The following LDB2 variants were observed in gnomAD, a reference collection of about 807,000 sequenced individuals.
The protein encoded by LDB2 is LIM domain binding 2.
In LDB2, 12 loss-of-function variants were observed where a neutral mutation model predicts 44.3. The ratio of observed to expected loss-of-function variants is 0.27; its 90% CI spans 0.17 to 0.44. The LOEUF is 0.44. Ranked by LOEUF, LDB2 falls within the 20% of genes least tolerant of loss-of-function variation. The pLI is 1.00. For synonymous variants in LDB2, 164 were observed against 174.8 expected (o/e 0.94, Z 0.49); for missense variants, 344 against 473.5 (o/e 0.73, Z 2.54).
chr4:16,726,817 G>T (rs1190063934), intron 2 of LDB2, among the ~76,000 whole-genome samples: 4 of 152,152 alleles, frequency 2.6e-5, no homozygotes, highest in Non-Finnish European at 5.9e-5. Flanking sequence ...ATATTCAGCA[G>T]ATGACAAAAC....
At chr4:16,567,546 G>A (rs530634558) in intron 5 of LDB2, among the ~76,000 whole-genome samples, 2 of 152,208 alleles carry the variant, frequency 1.3e-5, no homozygotes, top group South Asian at 2.1e-4. Flanking sequence ...CGAGGCGGGC[G>A]GATCACAAGG....
chr4:16,898,545 A>G lies in LDB2; in HGVS notation c.-60T>C. 6.3e-7 allele frequency: 1 copy of G among 1,584,732 alleles called. No homozygotes were observed. Among genetic ancestry groups the G allele is most frequent in the Non-Finnish European group, 8.6e-7 (1 of 1,158,602 alleles). On this transcript the variant is annotated 5_prime_UTR_variant, in exon 1 of 8. It removes an upstream start codon present in the reference 5' UTR. Coordinates refer to ENST00000304523, the MANE Select transcript of LDB2 (RefSeq NM_001290.5). The stretch of plus-strand genomic sequence containing the variant: ...TATCAGTAACGTCCATGCAGAGCAC[A>G]TGGGCTGTGTTCTTCCCAGTACAAA...
At chr4:16,855,804 G>A (rs564562876) in intron 1 of LDB2, among the ~76,000 whole-genome samples, 18 of 152,096 alleles carry the variant, frequency 1.2e-4, no homozygotes, top group Non-Finnish European at 2.1e-4. Context: ...TGGAAGATAC[G>A]CAAAACTAAG....
At chr4:16,740,837 T>C (rs1272379643) in intron 2 of LDB2, among the ~76,000 whole-genome samples, 1 of 152,264 alleles carries the variant, frequency 6.6e-6, no homozygotes, top group East Asian at 1.9e-4. Context: ...ATCTCTTTAA[T>C]GCAATGCGTG....
At chr4:16,736,727 T>G (rs182475617) in intron 2 of LDB2, among the ~76,000 whole-genome samples, 4 of 152,332 alleles carry the variant, frequency 2.6e-5, no homozygotes, top group Admixed American at 2.6e-4. Context: ...TTTTTCAATT[T>G]ATTTAAAAAT....
chr4:16,799,020 T>A (rs1036070226), intron 1 of LDB2, among the ~76,000 whole-genome samples: 1 of 152,034 alleles, frequency 6.6e-6, no homozygotes, highest in African/African-American at 2.4e-5. Context: ...CCGGCTAATT[T>A]TTTTTTGTAT....
At chr4:16,502,952 G>A (rs1025167478) in intron 7 of LDB2, 79 bp from the exon 8 acceptor site, 24 of 1,603,182 alleles carry the variant, frequency 1.5e-5, no homozygotes, top group Non-Finnish European at 1.7e-5. Flanking sequence ...GGGAGGAGTC[G>A]GGGAATCTAG....
At chr4:16,660,463 T>C (rs765276537) in intron 2 of LDB2, among the ~76,000 whole-genome samples, 33 of 152,250 alleles carry the variant, frequency 2.2e-4, no homozygotes, top group Non-Finnish European at 4.1e-4. Context: ...AAGGTACATA[T>C]AGATAACCAC....
chr4:16,582,027 AAGGAAG>A lies in LDB2; in HGVS notation c.615+3889_615+3894del, dbSNP rs1418327076. On this transcript the variant is annotated intron_variant, in intron 5 of 7. Transcript: ENST00000304523. The surrounding 1 kb of genome is among the most constrained non-coding windows in gnomAD (Gnocchi z 4.8). The stretch of plus-strand genomic sequence containing the variant: ...GAAGGAAGGAAGGAAGGAAGGAAGG[AAGGAAG>A]GAAGGAAGGAAGGAAGGAAAAGAAA... Among the ~76,000 whole-genome samples the A allele has an allele frequency of 6.6e-6, 1 of 151,342 alleles. No individual in the cohort carries two copies. Among genetic ancestry groups the A allele is most frequent in the Non-Finnish European group, 1.5e-5 (1 of 67,760 alleles).
intron 2 of LDB2, among the ~76,000 whole-genome samples, chr4:16,737,271 C>T (rs552842289): frequency 1.2e-4 from 18 of 152,034 alleles, no homozygotes; most frequent in South Asian, 2.1e-4. Flanking sequence ...CTCTATCGCC[C>T]GGGCTGAAGT....
chr4:16,834,664 T>C (rs550350444), intron 1 of LDB2, among the ~76,000 whole-genome samples: 11 of 152,160 alleles, frequency 7.2e-5, no homozygotes, highest in Admixed American at 2.0e-4. Context: ...CTGTCTCTAC[T>C]AAAAAGACAA....
chr4:16,629,114 G>A (rs1578317744), intron 2 of LDB2, among the ~76,000 whole-genome samples: 1 of 152,318 alleles, frequency 6.6e-6, no homozygotes, highest in Middle Eastern at 3.4e-3. Flanking sequence ...TAAACAAAGT[G>A]GCAGGGAAGC....
chr4:16,849,461 C>T (rs1424329319), intron 1 of LDB2, among the ~76,000 whole-genome samples: 1 of 152,148 alleles, frequency 6.6e-6, no homozygotes, highest in Non-Finnish European at 1.5e-5. Flanking sequence ...TTAATTAATA[C>T]CGATAGAATG....
At chr4:16,680,405 C>T (rs1255816351) in intron 2 of LDB2, among the ~76,000 whole-genome samples, 1 of 152,176 alleles carries the variant, frequency 6.6e-6, no homozygotes, top group Non-Finnish European at 1.5e-5. Flanking sequence ...TCAAGACCAC[C>T]TCTGGCAAAG....
At chr4:16,840,165 T>C (rs1785603809) in intron 1 of LDB2, among the ~76,000 whole-genome samples, 1 of 152,146 alleles carries the variant, frequency 6.6e-6, no homozygotes, top group Non-Finnish European at 1.5e-5. Flanking sequence ...AGTAACTTGC[T>C]CAACTATCAA....
rs148013181 is a variant in LDB2 at position 16,776,582 on chromosome 4, C to T, written c.133-17322G>A. Among the ~76,000 whole-genome samples the T allele has an allele frequency of 4.0e-3, 610 of 152,256 alleles. 2 individuals are homozygous for T. Among genetic ancestry groups the T allele is most frequent in the Middle Eastern group, 0.027 (8 of 294 alleles). ...TGCATTCAGAAATATGCAGTGAGCG[C>T]CTACTTTGCGCGAGACACTCTTCTA... On this transcript the variant is annotated intron_variant, in intron 1 of 7. Coordinates refer to ENST00000304523, the MANE Select transcript of LDB2 (RefSeq NM_001290.5).
At chr4:16,583,499 G>T (rs1715534868) in intron 5 of LDB2, among the ~76,000 whole-genome samples, 1 of 152,110 alleles carries the variant, frequency 6.6e-6, no homozygotes, top group Admixed American at 6.5e-5. Flanking sequence ...AGATGGACGT[G>T]GAGGCTTCAG....
At chr4:16,595,285 T>A (rs1720504884) in intron 3 of LDB2, among the ~76,000 whole-genome samples, 1 of 152,158 alleles carries the variant, frequency 6.6e-6, no homozygotes, top group Non-Finnish European at 1.5e-5. Flanking sequence ...GGTTAGAGGA[T>A]TCTTCCCTTA....
intron 2 of LDB2, among the ~76,000 whole-genome samples, chr4:16,671,875 C>T (rs1235157532): frequency 6.6e-6 from 1 of 151,962 alleles, no homozygotes; most frequent in African/African-American, 2.4e-5. Flanking sequence ...TTGCTTTCCA[C>T]ACAGAATGAA....
Sources: allele counts gnomAD v4.1 joint callset (sites outside exome capture counted in the v4.1 genomes callset), GRCh38; gene constraint gnomAD v4.1.1; non-coding constraint Gnocchi (gnomAD v3.1); transcripts MANE v1.5; gene names NCBI Gene and HGNC (gene_info 2026-07-23, HGNC 2026-07-21).